Variants in BIN2 observed in about 807,000 individuals in gnomAD.
BIN2 encodes the protein bridging integrator 2, also known as breast cancer associated protein BRAP1.
A neutral mutation model predicts 67.9 loss-of-function variants in BIN2; 43 were observed. The ratio of observed to expected loss-of-function variants is 0.63; its 90% confidence interval spans 0.50 to 0.82. The LOEUF (loss-of-function observed/expected upper bound fraction) is 0.82, where lower values mean the gene tolerates loss of function less well. Ranked by LOEUF, BIN2 falls within the 40% of genes least tolerant of loss-of-function variation. The pLI is 0.00. For missense variants in BIN2, 581 were observed against 671.6 expected (o/e 0.87, Z 1.49); for synonymous variants, 244 against 246.8 (o/e 0.99, Z 0.11).
chr12:51,302,210 TTG>T (rs1182751679), intron 4 of BIN2, 95 bp from the exon 5 acceptor site: 11 of 840,202 alleles, frequency 1.3e-5, no homozygotes, highest in Non-Finnish European at 2.0e-5. Context: ...AAAACCTTTT[TTG>T]TAGCACCGTA....
intron 1 of BIN2, among the ~76,000 whole-genome samples, chr12:51,318,194 ATG>A (rs1402402800): frequency 6.6e-6 from 1 of 151,544 alleles, no homozygotes; most frequent in Non-Finnish European, 1.5e-5. Context: ...TTTGAATGCC[ATG>A]CAAGAGTGCC....
intron 9 of BIN2, among the ~76,000 whole-genome samples, chr12:51,295,388 A>C (rs1331110524): frequency 1.8e-5 from 2 of 108,306 alleles, no homozygotes; most frequent in East Asian, 3.4e-4. Flanking sequence ...CTCTACTAAA[A>C]ATACAAAAAA....
chr12:51,301,916 T>C (rs1231145379), intron 5 of BIN2, 104 bp downstream of exon 5: 1 of 795,486 alleles, frequency 1.3e-6, no homozygotes, highest in Non-Finnish European at 2.1e-6. Flanking sequence ...CCAAACTTCA[T>C]TCTTAATCGT....
At chr12:51,304,652 T>C (rs1945820273) in intron 2 of BIN2, among the ~76,000 whole-genome samples, 2 of 152,168 alleles carry the variant, frequency 1.3e-5, no homozygotes, top group South Asian at 4.1e-4. Context: ...CACCATAAAA[T>C]ACTTGTTGTG....
intron 10 of BIN2, among the ~76,000 whole-genome samples, chr12:51,289,090 G>A (rs1047893444): frequency 1.3e-5 from 2 of 151,892 alleles, no homozygotes; most frequent in African/African-American, 4.8e-5. Context: ...TTTTCAAGGC[G>A]GCCCATCCCA....
At chr12:51,298,826 TGGGAGGCCAAGGCAGG>T (rs1945640227) in intron 7 of BIN2, among the ~76,000 whole-genome samples, 1 of 152,046 alleles carries the variant, frequency 6.6e-6, no homozygotes, top group South Asian at 2.1e-4. Context: ...CCCAGAACTT[TGGGAGGCCAAGGCAGG>T]GGGATCACTT....
At chr12:51,318,640 G>C (rs1308922351) in intron 1 of BIN2, among the ~76,000 whole-genome samples, 1 of 152,172 alleles carries the variant, frequency 6.6e-6, no homozygotes, top group Non-Finnish European at 1.5e-5. Context: ...TCTGGAGTTA[G>C]ACAGATATGG....
chr12:51,322,219 T>C (rs1042727576), intron 1 of BIN2, among the ~76,000 whole-genome samples: 1 of 152,132 alleles, frequency 6.6e-6, no homozygotes. Context: ...ACATCAACCC[T>C]CTCATTTTAC....
At chr12:51,282,831 T>C (rs1055977299) in intron 12 of BIN2, among the ~76,000 whole-genome samples, 3 of 152,012 alleles carry the variant, frequency 2.0e-5, no homozygotes, top group Non-Finnish European at 4.4e-5. Flanking sequence ...CTTGAACTCC[T>C]GGTCTCAAGT....
At chr12:51,305,180 T>C (rs1287935310) in intron 2 of BIN2, among the ~76,000 whole-genome samples, 2 of 142,870 alleles carry the variant, frequency 1.4e-5, no homozygotes, top group African/African-American at 5.3e-5. Flanking sequence ...CTACTAAATA[T>C]AAAAAATTAG....
At chr12:51,302,164 A>C in intron 4 of BIN2, 49 bp from the exon 5 acceptor site, 1 of 1,382,282 alleles carries the variant, frequency 7.2e-7, no homozygotes, top group Non-Finnish European at 1.0e-6. Flanking sequence ...CCCAACAACA[A>C]CTGCCTACCA....
intron 11 of BIN2, among the ~76,000 whole-genome samples, chr12:51,286,412 C>T (rs1945238111): frequency 6.6e-6 from 1 of 152,146 alleles, no homozygotes; most frequent in South Asian, 2.1e-4. Context: ...TATAAGGAGA[C>T]AGACTCAGGC....
intron 2 of BIN2, chr12:51,304,257 A>T (rs961146433): frequency 6.5e-6 from 1 of 152,722 alleles, no homozygotes; most frequent in Admixed American, 6.5e-5. Flanking sequence ...CTCAAAACAA[A>T]CAAACAAACT....
At chr12:51,323,956 CGGCCG>C in intron 1 of BIN2, 61 bp downstream of exon 1, 1 of 1,585,656 alleles carries the variant, frequency 6.3e-7, no homozygotes, top group South Asian at 1.1e-5. Flanking sequence ...CCCTCCTGCC[CGGCCG>C]GGCTCGGCCT....
intron 6 of BIN2, 147 bp downstream of exon 6, chr12:51,299,460 A>T (rs1473781176): frequency 2.1e-6 from 2 of 948,068 alleles, no homozygotes; most frequent in Non-Finnish European, 3.3e-6. Flanking sequence ...TTACAGCATC[A>T]GTGTCAGAAG....
intron 10 of BIN2, among the ~76,000 whole-genome samples, chr12:51,290,731 A>C (rs868619896): frequency 7.2e-5 from 11 of 152,046 alleles, no homozygotes; most frequent in Middle Eastern, 6.8e-3. Flanking sequence ...CAGGAGATCG[A>C]GACCATCCTG....
chr12:51,324,085 T>A lies in BIN2; in HGVS notation c.18A>T (p.Ala6=). 6.2e-7 allele frequency: 1 copy of A among 1,613,428 alleles called. No homozygotes were observed. Among genetic ancestry groups the A allele is most frequent in the Middle Eastern group, 1.7e-4 (1 of 6,038 alleles). Residue 6 remains alanine, a synonymous_variant, in exon 1 of 13, where the codon GCA becomes GCT. Transcript: ENST00000615107. ...TGGCGAAGAGGCCGGCCGCGCCGCC[T>A]GCCTTGCCCTCTGCCATCCTGCCAA... MAEGK[A]GGAAGLFAKQ...
intron 12 of BIN2, among the ~76,000 whole-genome samples, chr12:51,283,544 C>T (rs1368151189): frequency 1.3e-5 from 2 of 151,864 alleles, no homozygotes; most frequent in Non-Finnish European, 1.5e-5. Flanking sequence ...AACTCGTGGG[C>T]TCAAGTGATC....
At chr12:51,319,121 C>T (rs1946203467) in intron 1 of BIN2, among the ~76,000 whole-genome samples, 1 of 152,128 alleles carries the variant, frequency 6.6e-6, no homozygotes, top group African/African-American at 2.4e-5. Context: ...TCCTTTGTCC[C>T]TAATTTGGTT....
Sources: allele counts gnomAD v4.1 joint callset (sites outside exome capture counted in the v4.1 genomes callset), GRCh38; gene constraint gnomAD v4.1.1; transcripts MANE v1.5; gene names NCBI Gene and HGNC (gene_info 2026-07-23, HGNC 2026-07-21).